Variants in KLF3 observed in about 807,000 individuals in gnomAD.
KLF3 encodes Krueppel-like factor 3.
KLF3 carries 6 observed loss-of-function variants against 32.7 expected under a neutral mutation model. That is an observed-to-expected ratio of 0.18 (90% confidence interval 0.10 to 0.36). The LOEUF (loss-of-function observed/expected upper bound fraction) is 0.36, where lower values mean the gene tolerates loss of function less well. KLF3 is among the 10% of genes least tolerant of loss of function. The pLI is 1.00. For synonymous variants in KLF3, 145 were observed against 172.8 expected (o/e 0.84, Z 1.26); for missense variants, 338 against 449.7 (o/e 0.75, Z 2.25).
chr4:38,677,509 A>G (rs1453847512), intron 1 of KLF3, among the ~76,000 whole-genome samples: 1 of 152,078 alleles, frequency 6.6e-6, no homozygotes, highest in Non-Finnish European at 1.5e-5. Context: ...ACGAAAAGGA[A>G]CTCCAGAGCC....
chr4:38,675,271 G>A (rs1284786749), intron 1 of KLF3, among the ~76,000 whole-genome samples: 1 of 152,102 alleles, frequency 6.6e-6, no homozygotes, highest in African/African-American at 2.4e-5. Flanking sequence ...AACACAGCTG[G>A]GGAAGATGGC....
At chr4:38,673,970 CATT>C (rs1470046784) in intron 1 of KLF3, among the ~76,000 whole-genome samples, 1 of 151,974 alleles carries the variant, frequency 6.6e-6, no homozygotes, top group African/African-American at 2.4e-5. Flanking sequence ...CTCACTGGAT[CATT>C]ATATTTCATC....
intron 1 of KLF3, among the ~76,000 whole-genome samples, chr4:38,676,980 G>C (rs1425240810): frequency 2.6e-5 from 3 of 113,698 alleles, no homozygotes; most frequent in Non-Finnish European, 5.2e-5. Context: ...TTTTTTTTGA[G>C]ACCAGAGTTT....
chr4:38,690,069 C>A (rs16994723), intron 4 of KLF3, 190 bp downstream of exon 4: 8,777 of 481,554 alleles, frequency 0.018, 125 homozygotes, highest in African/African-American at 0.053. Context: ...TGCTGTTACA[C>A]TGACAACGTT....
intron 4 of KLF3, among the ~76,000 whole-genome samples, chr4:38,694,234 A>G (rs935324859): frequency 2.0e-5 from 3 of 152,172 alleles, no homozygotes; most frequent in South Asian, 2.1e-4. Flanking sequence ...ATACCCTACA[A>G]TGTGGTTTCC....
rs1249562475 is a variant in KLF3 at position 38,689,027 on chromosome 4, T to C, written c.500T>C (p.Val167Ala). Residue 167 changes from valine (V) to alanine (A), a missense_variant, in exon 3 of 6, where the codon GTC becomes GCC. By Grantham distance (64) the Val-to-Ala change is moderately conservative (BLOSUM62 0). This residue lies in a region of KLF3 where 272 missense variants were observed against 313.4 expected (regional missense o/e 0.87). Coordinates refer to ENST00000261438, the MANE Select transcript of KLF3 (RefSeq NM_016531.6). ...YTSHLQQPLMVSLSEEMENSS... is the reference protein window; with the variant it reads ...YTSHLQQPLMASLSEEMENSS... ...AGTCACCTCCAGCAGCCTCTCATGG[T>C]CTCCTTATCGGAGGAGATGGAAAAT... 2.5e-6 allele frequency: 4 copies of C among 1,614,160 alleles called. No individual in the cohort carries two copies. The highest frequency in any genetic ancestry group is 3.4e-6 in the Non-Finnish European group (4 of 1,180,034).
rs1052307092 is a variant in KLF3, at chr4:38,680,492, G to T, written c.-39-95G>T. 8 of 631,926 alleles carry T rather than the reference G, an allele frequency of 1.3e-5. 1 individual carries two copies. The South Asian group carries it at 1.4e-4, about 11-fold the overall frequency. 39.1% of individuals were successfully genotyped at this position (631,926 alleles called of 1,614,324 possible). On this transcript the variant is annotated intron_variant, in intron 1 of 5. Coordinates refer to ENST00000261438, the MANE Select transcript of KLF3 (RefSeq NM_016531.6). ...GCCTCTCAAAGTGCTGGGATTACAG[G>T]GGTGAGCCACCTTGCCCAGGCTATA...
At chr4:38,687,225 T>TA (rs1224606165) in intron 2 of KLF3, among the ~76,000 whole-genome samples, 4 of 152,220 alleles carry the variant, frequency 2.6e-5, no homozygotes, top group Admixed American at 2.0e-4. Context: ...GACATTCAAG[T>TA]ACAAAGAATT....
At chr4:38,691,287 A>G (rs1266537674) in intron 4 of KLF3, among the ~76,000 whole-genome samples, 1 of 152,196 alleles carries the variant, frequency 6.6e-6, no homozygotes, top group Non-Finnish European at 1.5e-5. Flanking sequence ...ATCTTGTCAT[A>G]TCCAACCCAT....
intron 1 of KLF3, among the ~76,000 whole-genome samples, chr4:38,678,119 T>C (rs1297653267): frequency 6.6e-6 from 1 of 152,136 alleles, no homozygotes; most frequent in African/African-American, 2.4e-5. Context: ...TCTAGTGGGA[T>C]AGATGAGTCT....
At chr4:38,683,792 A>G (rs556453827) in intron 2 of KLF3, among the ~76,000 whole-genome samples, 23 of 152,344 alleles carry the variant, frequency 1.5e-4, no homozygotes, top group Middle Eastern at 3.4e-3. Flanking sequence ...AGGATTAATA[A>G]TATTCTGTTA....
chr4:38,681,552 A>T (rs1301679513), intron 2 of KLF3, among the ~76,000 whole-genome samples: 1 of 152,184 alleles, frequency 6.6e-6, no homozygotes, highest in African/African-American at 2.4e-5. Flanking sequence ...GCCAGGGACT[A>T]GTGAGGAGTC....
intron 4 of KLF3, among the ~76,000 whole-genome samples, chr4:38,692,736 C>G (rs1302255449): frequency 3.9e-5 from 6 of 151,960 alleles, no homozygotes; most frequent in Non-Finnish European, 7.4e-5. Context: ...AATTACTGCA[C>G]AGAAACGATT....
rs1226691328 is a variant in KLF3, at chr4:38,688,787, C to T, written c.260C>T (p.Ser87Leu). The change falls in exon 3 of 6, where the codon TCA becomes TTA. Residue 87 changes from serine to leucine, a missense_variant. Ser to Leu is a moderately radical substitution (Grantham distance 145). Coordinates refer to ENST00000261438, the MANE Select transcript of KLF3 (RefSeq NM_016531.6). The surrounding 1 kb of genome is among the most constrained non-coding windows in gnomAD (Gnocchi z 4.9). ...NSPSSLKFPS[S>L]HRRASPGLSM... ...CCCTCCTCTCTGAAGTTCCCGTCCTCACACCGGAGAGCCTCGCCTGGGTTG... is the reference window on the plus strand; with the variant it reads ...CCCTCCTCTCTGAAGTTCCCGTCCTTACACCGGAGAGCCTCGCCTGGGTTG... 3 of 1,614,260 alleles carry T rather than the reference C, an allele frequency of 1.9e-6. No individual in the cohort carries two copies. Among genetic ancestry groups the T allele is most frequent in the Admixed American group, 3.3e-5 (2 of 60,032 alleles).
At chr4:38,667,875 A>G (rs892882262) in intron 1 of KLF3, among the ~76,000 whole-genome samples, 1 of 152,182 alleles carries the variant, frequency 6.6e-6, no homozygotes, top group Non-Finnish European at 1.5e-5. Context: ...GGAAGGAGAA[A>G]TCTTTAGAAA....
Position 38,664,295 on chromosome 4 carries a change from C to T in KLF3, c.-206C>T, listed in dbSNP as rs1361790376. The stretch of plus-strand genomic sequence containing the variant: ...AGCCGCGCGGAGCCGGGGCCCGAGC[C>T]GGAGCGCAGCGAGAGCGCCCGCCGC... On this transcript the variant is annotated 5_prime_UTR_variant, in exon 1 of 6. Coordinates refer to ENST00000261438, the MANE Select transcript of KLF3 (RefSeq NM_016531.6). 6.6e-6 allele frequency: 1 copy of T among 152,028 alleles called. No homozygotes were observed. Among genetic ancestry groups the T allele is most frequent in the East Asian group, 1.9e-4 (1 of 5,160 alleles). The allele number at this position is 152,028 out of a possible 1,614,324, so 9.4% of individuals were successfully genotyped here.
rs1361414949 is a variant in KLF3, at chr4:38,674,810, T to C, written c.-39-5777T>C. On this transcript the variant is annotated intron_variant, in intron 1 of 5. Coordinates refer to ENST00000261438, the MANE Select transcript of KLF3 (RefSeq NM_016531.6). The surrounding 1 kb of genome is among the most constrained non-coding windows in gnomAD (Gnocchi z 4.1). ...GGAAACTGCTCCTGATACGTACACA[T>C]TCTCTCTCCACCTTCCTCCTCCCTC... Among the ~76,000 whole-genome samples, 1 of 152,098 alleles carries C rather than the reference T, an allele frequency of 6.6e-6. No homozygotes were observed. The highest frequency in any genetic ancestry group is 1.5e-5 in the Non-Finnish European group (1 of 68,024).
intron 4 of KLF3, among the ~76,000 whole-genome samples, chr4:38,692,609 G>C (rs949359679): frequency 2.6e-5 from 4 of 152,152 alleles, no homozygotes; most frequent in African/African-American, 9.7e-5. Flanking sequence ...CAGAGAGGGC[G>C]AGATCTTGGC....
chr4:38,691,257 G>A (rs773295470), intron 4 of KLF3, among the ~76,000 whole-genome samples: 2 of 152,176 alleles, frequency 1.3e-5, no homozygotes, highest in South Asian at 2.1e-4. Context: ...TCCTGCTTCC[G>A]AATCAGGGCT....
Sources: gnomAD v4.1 joint callset for allele counts (sites outside exome capture counted in the v4.1 genomes callset) on GRCh38, gnomAD v4.1.1 for gene constraint, gnomAD v4.1.1 regional missense constraint, Gnocchi (gnomAD v3.1) non-coding constraint, MANE v1.5 for transcripts, NCBI Gene and HGNC (gene_info 2026-07-23, HGNC 2026-07-21) for gene names.